INPP5F: variants seen among roughly 807,000 people sequenced by gnomAD.
INPP5F encodes phosphatidylinositide 4-phosphatase SAC2.
INPP5F carries 97 observed loss-of-function variants against 137.2 expected under a neutral mutation model. The ratio of observed to expected loss-of-function variants is 0.71; its 90% CI spans 0.60 to 0.84. The LOEUF (loss-of-function observed/expected upper bound fraction) is 0.84. INPP5F is among the 40% of genes least tolerant of loss of function. The pLI, the probability that INPP5F is intolerant of heterozygous loss-of-function variation, is 0.00. For missense variants in INPP5F, 1,271 were observed against 1,371.9 expected (o/e 0.93, Z 1.16); for synonymous variants, 504 against 476.9 (o/e 1.06, Z -0.74).
At chr10:119,777,123 G>C (rs72826422) in intron 2 of INPP5F, among the ~76,000 whole-genome samples, 6,598 of 152,146 alleles carry the variant, frequency 0.043, 203 homozygotes, top group East Asian at 0.08. Context: ...TTGAACTCCT[G>C]GCCTTGAGTG....
At chr10:119,762,180 A>C (rs909943772) in intron 2 of INPP5F, among the ~76,000 whole-genome samples, 3 of 152,162 alleles carry the variant, frequency 2.0e-5, no homozygotes, top group Non-Finnish European at 4.4e-5. Context: ...TGTGTATAAT[A>C]GTTCTTTGTC....
chr10:119,813,894 T>C (rs886971346), intron 15 of INPP5F, among the ~76,000 whole-genome samples: 1 of 152,178 alleles, frequency 6.6e-6, no homozygotes, highest in South Asian at 2.1e-4. Context: ...CTACCAAATA[T>C]CTGCCTCAGA....
rs1235969036 is a variant in INPP5F, at chr10:119,805,495, T to C, written c.1319+34T>C. 1.2e-5 allele frequency: 17 copies of C among 1,364,258 alleles called. No homozygotes were observed. In the Admixed American group the frequency reaches 2.9e-4, roughly 23 times the overall value. 84.5% of individuals were successfully genotyped at this position (1,364,258 alleles called of 1,614,324 possible). ...TTTACAAGAACTCCTTTTTACAGAC[T>C]CTGGGATCTGTAAAATAGTACCACT... On this transcript the variant is annotated intron_variant, in intron 11 of 19. Coordinates refer to ENST00000650623, the MANE Select transcript of INPP5F (RefSeq NM_014937.4).
intron 3 of INPP5F, among the ~76,000 whole-genome samples, chr10:119,785,908 G>A (rs141163938): frequency 3.9e-5 from 6 of 152,204 alleles, no homozygotes; most frequent in African/African-American, 1.4e-4. Flanking sequence ...AATCTGTAAT[G>A]GTTTAAACAA....
chr10:119,757,273 G>A (rs1286660995), intron 2 of INPP5F, among the ~76,000 whole-genome samples: 1 of 151,518 alleles, frequency 6.6e-6, no homozygotes, highest in Non-Finnish European at 1.5e-5. Flanking sequence ...TCCCCATGTT[G>A]GCCAGACTGG....
intron 1 of INPP5F, among the ~76,000 whole-genome samples, chr10:119,741,796 A>G (rs2134111631): frequency 6.6e-6 from 1 of 151,946 alleles, no homozygotes. Context: ...CAGCCTTCCA[A>G]AGTGTTGGGA....
At chr10:119,819,387 T>C (rs1369688380) in intron 15 of INPP5F, 5 of 1,394,044 alleles carry the variant, frequency 3.6e-6, no homozygotes, top group Non-Finnish European at 4.7e-6. Context: ...TGTTTTTGAC[T>C]GGGGATCATG....
chr10:119,824,807 T>C (rs1159468488), intron 19 of INPP5F, among the ~76,000 whole-genome samples: 2 of 152,248 alleles, frequency 1.3e-5, no homozygotes, highest in African/African-American at 4.8e-5. Context: ...ATTGGAATTC[T>C]TCTGTAAAGC....
At chr10:119,817,386 T>C (rs919061388) in intron 15 of INPP5F, among the ~76,000 whole-genome samples, 16 of 152,268 alleles carry the variant, frequency 1.1e-4, no homozygotes, top group African/African-American at 3.9e-4. Flanking sequence ...GTTTAACTTT[T>C]GAGAAACTGC....
chr10:119,733,501 G>T (rs1482264178), intron 1 of INPP5F, among the ~76,000 whole-genome samples: 1 of 152,230 alleles, frequency 6.6e-6, no homozygotes, highest in African/African-American at 2.4e-5. Context: ...GCCTTTCTCA[G>T]TGTAGCTTTT....
At chr10:119,788,690 G>T (rs540303730) in intron 3 of INPP5F, among the ~76,000 whole-genome samples, 19 of 152,338 alleles carry the variant, frequency 1.2e-4, no homozygotes, top group African/African-American at 4.6e-4. Flanking sequence ...ATTCTCACTT[G>T]TGTAAACATG....
In INPP5F at chr10:119,797,623, G is replaced by C; in HGVS notation, c.1031G>C (p.Arg344Thr). 1 of 1,611,782 alleles carries C rather than the reference G, an allele frequency of 6.2e-7. No individual in the cohort carries two copies. The highest frequency in any genetic ancestry group is 2.2e-5 in the East Asian group (1 of 44,852). The change falls in exon 8 of 20, where the codon AGA (arginine) becomes ACA (threonine). Residue 344 changes from arginine (R) to threonine (T), a missense_variant. Physicochemically the swap from Arg to Thr is moderately conservative, Grantham distance 71. Around this residue, in one of 6 missense-constraint regions of INPP5F, gnomAD observed 593 missense variants for 712.4 expected, o/e 0.83. Coordinates refer to ENST00000650623, the MANE Select transcript of INPP5F (RefSeq NM_014937.4). ...CAGGTTGGGTATCGATATAACCCAA[G>C]ACCGCGGCTGGACAGAAGTAAGCAG... is the stretch of plus-strand genomic sequence containing the variant. ...WSQVGYRYNPRPRLDRSEKET... is the reference protein window; with the variant it reads ...WSQVGYRYNPTPRLDRSEKET...
At chr10:119,764,601 G>C (rs1304556496) in intron 2 of INPP5F, among the ~76,000 whole-genome samples, 1 of 144,528 alleles carries the variant, frequency 6.9e-6, no homozygotes, top group African/African-American at 2.6e-5. Context: ...TTTTTTTTGA[G>C]ATGGAGTTCC....
At chr10:119,771,883 T>TATATATATATATATACATA (rs1491430102) in intron 2 of INPP5F, among the ~76,000 whole-genome samples, 1 of 20,066 alleles carries the variant, frequency 5.0e-5, no homozygotes, top group Non-Finnish European at 8.0e-5. Context: ...TATATATATA[T>TATATATATATATATACATA]TTTTTTTTTT....
At chr10:119,783,856 G>T (rs1849786407) in intron 3 of INPP5F, among the ~76,000 whole-genome samples, 1 of 152,188 alleles carries the variant, frequency 6.6e-6, no homozygotes, top group African/African-American at 2.4e-5. Context: ...CGAGATCGTG[G>T]TTCACGTTAA....
chr10:119,764,338 C>T (rs935592297), intron 2 of INPP5F, among the ~76,000 whole-genome samples: 4 of 151,468 alleles, frequency 2.6e-5, no homozygotes, highest in East Asian at 1.9e-4. Context: ...CATACACAGG[C>T]GTGTGCACAC....
At position 119,733,836 on chromosome 10, in the gene INPP5F, A is replaced by AC. The variant is rs1848152599; in HGVS notation, c.97+7478dup. On this transcript the variant is annotated intron_variant, in intron 1 of 19. Transcript: ENST00000650623. ...CACTTGTCCCACTTGCCTGGCCTAA[A>AC]CACACCCCTGGCACGGAGAAAGAGG... Among the ~76,000 whole-genome samples, 5 of 152,138 alleles carry AC rather than the reference A, an allele frequency of 3.3e-5. No individual in the cohort carries two copies. The South Asian group carries it at 8.3e-4, about 25-fold the overall frequency.
At chr10:119,819,243 T>A (rs1391566179) in intron 15 of INPP5F, 26 of 209,196 alleles carry the variant, frequency 1.2e-4, no homozygotes, top group African/African-American at 9.5e-4. Flanking sequence ...TTTTTTTTTT[T>A]AAAGGGGAAG....
At position 119,828,525 on chromosome 10, in the gene INPP5F, G is replaced by C. The variant is rs147702164; in HGVS notation, c.*745G>C. ...CCCATATTGGCTACTGGAAATTCTA[G>C]AAGTCAGTCAGGTTTTAATTTATTC... On this transcript the variant is annotated 3_prime_UTR_variant, in exon 20 of 20. Transcript: ENST00000650623. 1 of 152,128 alleles carries C rather than the reference G, an allele frequency of 6.6e-6. No homozygotes were observed. The highest frequency in any genetic ancestry group is 6.5e-5 in the Admixed American group (1 of 15,280). 9.4% of individuals were successfully genotyped at this position (152,128 alleles called of 1,614,324 possible). A position where few individuals can be genotyped will look rare whatever the true frequency, so the allele number is the denominator to read the frequency against.
Sources: allele counts gnomAD v4.1 joint callset (sites outside exome capture counted in the v4.1 genomes callset), GRCh38; gene constraint gnomAD v4.1.1; regional missense constraint gnomAD v4.1.1; transcripts MANE v1.5; gene names NCBI Gene and HGNC (gene_info 2026-07-23, HGNC 2026-07-21).